CDH20: variants seen among roughly 807,000 people sequenced by gnomAD.
CDH20 encodes the protein cadherin 20.
A neutral mutation model predicts 74.2 loss-of-function variants in CDH20; 29 were observed. The ratio of observed to expected loss-of-function variants is 0.39; its 90% CI spans 0.29 to 0.53. The LOEUF (loss-of-function observed/expected upper bound fraction) is 0.53, where lower values mean the gene tolerates loss of function less well. Among genes scored for constraint, CDH20 ranks in the 20% least tolerant of loss-of-function variants. CDH20 has a pLI of 0.69. For synonymous variants in CDH20, 469 were observed against 405.4 expected, an observed-to-expected ratio of 1.16 and a Z score of -1.88; for missense variants, 988 against 1,048.3, an observed-to-expected ratio of 0.94 and a Z score of 0.79.
intron 1 of CDH20, among the ~76,000 whole-genome samples, chr18:61,336,927 G>A (rs1909782259): frequency 6.6e-6 from 1 of 152,128 alleles, no homozygotes; most frequent in Admixed American, 6.5e-5. Flanking sequence ...GGCAGCTGAT[G>A]CCGAGAGGAG....
intron 1 of CDH20, among the ~76,000 whole-genome samples, chr18:61,447,783 G>A (rs753668367): frequency 2.0e-5 from 3 of 152,080 alleles, no homozygotes; most frequent in Non-Finnish European, 4.4e-5. Context: ...CCCCTGGATG[G>A]CCAGTCTGAA....
chr18:61,362,528 G>A (rs1473973212), intron 1 of CDH20, among the ~76,000 whole-genome samples: 1 of 152,118 alleles, frequency 6.6e-6, no homozygotes, highest in Non-Finnish European at 1.5e-5. Flanking sequence ...GCATTTTAGT[G>A]GGGACAGATA....
At chr18:61,452,942 C>A (rs548597387) in intron 1 of CDH20, among the ~76,000 whole-genome samples, 2 of 152,254 alleles carry the variant, frequency 1.3e-5, no homozygotes, top group Admixed American at 1.3e-4. Context: ...TTTCTAAACT[C>A]TTTGTTTTGA....
intron 5 of CDH20, among the ~76,000 whole-genome samples, chr18:61,505,863 T>C (rs962089447): frequency 5.3e-5 from 8 of 152,228 alleles, no homozygotes; most frequent in Non-Finnish European, 1.2e-4. Context: ...TCTCTCTTCA[T>C]TAAATAGTTC....
intron 1 of CDH20, among the ~76,000 whole-genome samples, chr18:61,487,629 C>T (rs992088084): frequency 2.6e-5 from 4 of 152,072 alleles, no homozygotes; most frequent in Non-Finnish European, 5.9e-5. Context: ...CACCTTTGTA[C>T]GTGTTCAGTG....
chr18:61,349,834 G>T (rs947977696), intron 1 of CDH20, among the ~76,000 whole-genome samples: 1 of 151,766 alleles, frequency 6.6e-6, no homozygotes. Flanking sequence ...GCTGCAGGTT[G>T]TCACATGTAA....
intron 1 of CDH20, among the ~76,000 whole-genome samples, chr18:61,473,920 T>C (rs78539562): frequency 0.012 from 1,904 of 152,332 alleles, 45 homozygotes; most frequent in African/African-American, 0.044. Flanking sequence ...TTGGAAAAGG[T>C]AGCTCGTTCT....
chr18:61,488,458 T>G (rs889691645), intron 1 of CDH20, among the ~76,000 whole-genome samples: 3 of 152,120 alleles, frequency 2.0e-5, no homozygotes. Flanking sequence ...TACAGGGCAC[T>G]TTTTTGCCTG....
At chr18:61,354,290 G>T (rs1910418058) in intron 1 of CDH20, among the ~76,000 whole-genome samples, 1 of 152,066 alleles carries the variant, frequency 6.6e-6, no homozygotes, top group Non-Finnish European at 1.5e-5. Context: ...ATTGGCAAAA[G>T]TCACGCAAGC....
intron 10 of CDH20, among the ~76,000 whole-genome samples, chr18:61,546,225 G>T (rs978326578): frequency 8.5e-5 from 13 of 152,188 alleles, no homozygotes; most frequent in African/African-American, 2.9e-4. Flanking sequence ...AAAAAGTCAT[G>T]ATTAGGTTAG....
intron 1 of CDH20, among the ~76,000 whole-genome samples, chr18:61,395,294 T>C (rs1466555765): frequency 1.3e-5 from 2 of 152,212 alleles, no homozygotes; most frequent in African/African-American, 4.8e-5. Flanking sequence ...TAACCCTCAC[T>C]GTTCTCATCT....
intron 1 of CDH20, among the ~76,000 whole-genome samples, chr18:61,383,958 G>A (rs2144186259): frequency 6.6e-6 from 1 of 152,276 alleles, no homozygotes; most frequent in Middle Eastern, 3.4e-3. Context: ...GAGATTGCCA[G>A]ATCTCAGAAG....
At chr18:61,539,404 G>C (rs188182711) in intron 9 of CDH20, among the ~76,000 whole-genome samples, 1 of 152,270 alleles carries the variant, frequency 6.6e-6, no homozygotes, top group East Asian at 1.9e-4. Context: ...CCAGGAGTTT[G>C]AGACCAGCCT....
At chr18:61,348,039 A>G (rs560503944) in intron 1 of CDH20, among the ~76,000 whole-genome samples, 1 of 152,300 alleles carries the variant, frequency 6.6e-6, no homozygotes, top group Admixed American at 6.5e-5. Flanking sequence ...CTTCACGTGT[A>G]TTATTTCATG....
At chr18:61,336,977 G>T (rs1909783817) in intron 1 of CDH20, among the ~76,000 whole-genome samples, 1 of 152,210 alleles carries the variant, frequency 6.6e-6, no homozygotes, top group African/African-American at 2.4e-5. Context: ...CAGCAAGACA[G>T]CCTCTGCCAA....
At chr18:61,376,932 T>A (rs1911255250) in intron 1 of CDH20, among the ~76,000 whole-genome samples, 1 of 152,162 alleles carries the variant, frequency 6.6e-6, no homozygotes. Flanking sequence ...ATTCTTCTGC[T>A]GTTTCATTAA....
chr18:61,411,290 T>A (rs1912492250), intron 1 of CDH20, among the ~76,000 whole-genome samples: 1 of 151,978 alleles, frequency 6.6e-6, no homozygotes, highest in Admixed American at 6.6e-5. Flanking sequence ...AAGGGAACAC[T>A]TCTACAATGC....
At chr18:61,515,433 A>T (rs1911962415) in intron 6 of CDH20, among the ~76,000 whole-genome samples, 1 of 152,096 alleles carries the variant, frequency 6.6e-6, no homozygotes, top group Non-Finnish European at 1.5e-5. Flanking sequence ...CCGGTACCTC[A>T]GATGGAAATG....
intron 5 of CDH20, 117 bp downstream of exon 5, chr18:61,503,237 C>T (rs1911447890): frequency 5.7e-6 from 4 of 703,892 alleles, no homozygotes; most frequent in Non-Finnish European, 9.1e-6. Context: ...TCCATAGATT[C>T]CTTTCTTACA....
Sources: gnomAD v4.1 joint callset for allele counts (sites outside exome capture counted in the v4.1 genomes callset) on GRCh38, gnomAD v4.1.1 for gene constraint, MANE v1.5 for transcripts, NCBI Gene and HGNC (gene_info 2026-07-23, HGNC 2026-07-21) for gene names.